Variants in FAT3 observed in about 807,000 individuals in gnomAD.
The protein encoded by FAT3 is FAT atypical cadherin 3.
In FAT3, 95 loss-of-function variants were observed where a neutral mutation model predicts 310.2. The observed-to-expected ratio is 0.31, with a 90% CI of 0.26 to 0.36. The LOEUF is 0.36. Ranked by LOEUF, FAT3 falls within the 10% of genes least tolerant of loss-of-function variation. The probability of loss-of-function intolerance (pLI) is 1.00; values close to 1 mark genes in which losing one functional copy is unlikely to be tolerated. For synonymous variants in FAT3, 2,314 were observed against 2,192.9 expected, an observed-to-expected ratio of 1.06 and a Z score of -1.54; for missense variants, 5,408 against 5,715.6, an observed-to-expected ratio of 0.95 and a Z score of 1.74.
intron 4 of FAT3, among the ~76,000 whole-genome samples, chr11:92,753,125 G>A (rs1474621536): frequency 1.3e-5 from 2 of 152,112 alleles, no homozygotes; most frequent in East Asian, 3.9e-4. Flanking sequence ...TGAGACTCTT[G>A]GTCAGTAGAA....
intron 2 of FAT3, among the ~76,000 whole-genome samples, chr11:92,520,248 C>A (rs1462106451): frequency 6.6e-6 from 1 of 151,950 alleles, no homozygotes; most frequent in African/African-American, 2.4e-5. Context: ...ACAGTACAGA[C>A]TATATTATTT....
At chr11:92,763,081 C>T (rs1228912564) in intron 5 of FAT3, among the ~76,000 whole-genome samples, 1 of 151,924 alleles carries the variant, frequency 6.6e-6, no homozygotes, top group African/African-American at 2.4e-5. Flanking sequence ...AACGCTTGAA[C>T]CCGGGAGGCA....
At position 92,474,908 on chromosome 11, in the gene FAT3, T is replaced by G. The variant is rs974733449; in HGVS notation, c.3293-49726T>G. On this transcript the variant is annotated intron_variant, in intron 2 of 27. Transcript: ENST00000525166. Reference sequence around the variant, plus strand: ...CTTTCTAATCTCTTTTCCTTCCTGATTGTATTCATGGCTTGTTCTATTTAG... The same window carrying G: ...CTTTCTAATCTCTTTTCCTTCCTGAGTGTATTCATGGCTTGTTCTATTTAG... 3.3e-5 allele frequency among the ~76,000 whole-genome samples: 5 copies of G among 152,328 alleles called. No individual in the cohort carries two copies. The East Asian group carries it at 9.7e-4, about 29-fold the overall frequency.
At chr11:92,279,114 T>G (rs1304400506) in intron 1 of FAT3, among the ~76,000 whole-genome samples, 2 of 152,212 alleles carry the variant, frequency 1.3e-5, no homozygotes. Flanking sequence ...TTAAATTACA[T>G]TACTAAACCT....
At chr11:92,559,530 A>G (rs1324170051) in intron 3 of FAT3, 1 of 319,360 alleles carries the variant, frequency 3.1e-6, no homozygotes, top group South Asian at 2.5e-5. Flanking sequence ...GACTATAGGC[A>G]TGCACCGCCA....
chr11:92,592,563 GC>G (rs1939491103), intron 3 of FAT3, among the ~76,000 whole-genome samples: 1 of 151,872 alleles, frequency 6.6e-6, no homozygotes, highest in Non-Finnish European at 1.5e-5. Context: ...CTCATGATCT[GC>G]CTGGCTCGCC....
chr11:92,562,449 TCA>T (rs1382480783), intron 3 of FAT3, among the ~76,000 whole-genome samples: 1 of 152,212 alleles, frequency 6.6e-6, no homozygotes, highest in Non-Finnish European at 1.5e-5. Flanking sequence ...TTGCTGAGCC[TCA>T]GTCTTCTTAC....
intron 2 of FAT3, among the ~76,000 whole-genome samples, chr11:92,428,120 G>T (rs1356581679): frequency 6.6e-6 from 1 of 151,848 alleles, no homozygotes; most frequent in Non-Finnish European, 1.5e-5. Flanking sequence ...TATGTGTCCA[G>T]GAATTTATAC....
chr11:92,368,845 T>TATATATATACATAC (rs1196442457), intron 2 of FAT3, among the ~76,000 whole-genome samples: 1 of 145,856 alleles, frequency 6.9e-6, no homozygotes, highest in African/African-American at 2.7e-5. Flanking sequence ...TATATATATA[T>TATATATATACATAC]ATACACACAT....
At chr11:92,459,744 C>G (rs1200425829) in intron 2 of FAT3, among the ~76,000 whole-genome samples, 1 of 152,128 alleles carries the variant, frequency 6.6e-6, no homozygotes, top group East Asian at 1.9e-4. Context: ...GAGGGAACAG[C>G]CAACTGTGGT....
intron 18 of FAT3, among the ~76,000 whole-genome samples, chr11:92,843,027 GCT>G (rs1948589728): frequency 6.7e-6 from 1 of 149,876 alleles, no homozygotes; most frequent in Non-Finnish European, 1.5e-5. Context: ...TGAAGTTGAT[GCT>G]GCTATTTTAC....
chr11:92,576,188 G>A (rs1938476109), intron 3 of FAT3, among the ~76,000 whole-genome samples: 1 of 152,158 alleles, frequency 6.6e-6, no homozygotes, highest in African/African-American at 2.4e-5. Flanking sequence ...AGCAGTCTCT[G>A]TGTAGGTGCC....
chr11:92,247,253 T>C (rs1864952241), intron 1 of FAT3, among the ~76,000 whole-genome samples: 1 of 151,902 alleles, frequency 6.6e-6, no homozygotes, highest in Non-Finnish European at 1.5e-5. Flanking sequence ...TGGCAAAATA[T>C]AGAAGGCTCT....
chr11:92,310,954 T>G (rs1591088528), intron 1 of FAT3, among the ~76,000 whole-genome samples: 2 of 151,826 alleles, frequency 1.3e-5, no homozygotes, highest in African/African-American at 4.8e-5. Flanking sequence ...TTTTTAAATT[T>G]TTATTTAAAA....
chr11:92,243,464 T>G (rs781466659), intron 1 of FAT3, among the ~76,000 whole-genome samples: 21 of 151,812 alleles, frequency 1.4e-4, no homozygotes, highest in Admixed American at 8.5e-4. Context: ...AAGCCTTGAT[T>G]TAAAAAAAAA....
In FAT3 at chr11:92,792,949, T is replaced by C; in HGVS notation, c.4794T>C (p.Asn1598=). Residue 1598 remains asparagine (N), a synonymous_variant, in exon 9 of 28, where the codon AAT becomes AAC. Transcript: ENST00000525166. ...VTALDKDKGE[N]AELIYTIEAG... ...CTCTGGACAAAGACAAAGGAGAAAA[T>C]GCAGAACTCATATATACCATAGAAG... The C allele has an allele frequency of 1.9e-6, 3 of 1,613,660 alleles. No homozygotes were observed. The highest frequency in any genetic ancestry group is 2.5e-6 in the Non-Finnish European group (3 of 1,179,726).
At chr11:92,815,859 C>T (rs1053453881) in intron 13 of FAT3, among the ~76,000 whole-genome samples, 13 of 152,140 alleles carry the variant, frequency 8.5e-5, no homozygotes, top group Non-Finnish European at 1.6e-4. Flanking sequence ...GTTTGCTCAT[C>T]GTGACAGTCT....
intron 2 of FAT3, among the ~76,000 whole-genome samples, chr11:92,503,880 G>A (rs1362725966): frequency 6.6e-6 from 1 of 152,022 alleles, no homozygotes; most frequent in African/African-American, 2.4e-5. Flanking sequence ...ATATGTAAAG[G>A]GATTTGCTTT....
At chr11:92,659,180 A>C (rs992887576) in intron 3 of FAT3, among the ~76,000 whole-genome samples, 7 of 152,200 alleles carry the variant, frequency 4.6e-5, no homozygotes, top group African/African-American at 9.6e-5. Context: ...TCTTTCTAAC[A>C]GTTGAAAATA....
Sources: gnomAD v4.1 joint callset for allele counts (sites outside exome capture counted in the v4.1 genomes callset) on GRCh38, gnomAD v4.1.1 for gene constraint, MANE v1.5 for transcripts, NCBI Gene and HGNC (gene_info 2026-07-23, HGNC 2026-07-21) for gene names.